The following HMGCS1 variants were observed in gnomAD, a reference collection of about 807,000 sequenced individuals.
HMGCS1 encodes 3-hydroxy-3-methylglutaryl-CoA synthase 1.
In HMGCS1, 9 loss-of-function variants were observed where a neutral mutation model predicts 52.3. The observed-to-expected ratio is 0.17, with a 90% CI of 0.10 to 0.30. HMGCS1 has a LOEUF of 0.30. Ranked by LOEUF, HMGCS1 falls within the 10% of genes least tolerant of loss-of-function variation. The pLI is 1.00. For missense variants in HMGCS1, 320 were observed against 620.9 expected, an observed-to-expected ratio of 0.52 and a Z score of 5.15; for synonymous variants, 176 against 214.4, an observed-to-expected ratio of 0.82 and a Z score of 1.57.
chr5:43,296,957 T>G (rs1169981100), intron 5 of HMGCS1, 45 bp downstream of exon 5: 2 of 1,530,040 alleles, frequency 1.3e-6, no homozygotes, highest in Non-Finnish European at 1.8e-6. Context: ...TACATTAGAC[T>G]GCTCTCAACT....
intron 2 of HMGCS1, among the ~76,000 whole-genome samples, chr5:43,306,156 A>C (rs1754565061): frequency 6.6e-6 from 1 of 152,248 alleles, no homozygotes; most frequent in Admixed American, 6.5e-5. Context: ...GGTGGACAAA[A>C]GAAACTCCAT....
In HMGCS1 at chr5:43,291,021, A is replaced by G. The variant is rs1407476653; in HGVS notation, c.*110T>C. ...CCATGTCAGTCACATAAAAATTTAC[A>G]TAACATGTAATCCTTTAAAATTATC... is the stretch of plus-strand genomic sequence containing the variant. On this transcript the variant is annotated 3_prime_UTR_variant, in exon 11 of 11. Transcript: ENST00000325110. 2 of 680,460 alleles carry G rather than the reference A, an allele frequency of 2.9e-6. No homozygotes were observed. The highest frequency in any genetic ancestry group is 1.7e-5 in the South Asian group (1 of 57,654). 42.2% of individuals were successfully genotyped at this position (680,460 alleles called of 1,614,324 possible).
chr5:43,298,180 T>C lies in HMGCS1; in HGVS notation c.449-46A>G. ...TTTCACAAGAAGGAATTCAACACTATAACCAAACATGGAAACTGAAGTCTG... is the reference window on the plus strand; with the variant it reads ...TTTCACAAGAAGGAATTCAACACTACAACCAAACATGGAAACTGAAGTCTG... On this transcript the variant is annotated intron_variant, in intron 3 of 10. Transcript: ENST00000325110. The surrounding 1 kb of genome is among the most constrained non-coding windows in gnomAD (Gnocchi z 5.6). The C allele has an allele frequency of 6.6e-7, 1 of 1,523,724 alleles. No individual in the cohort carries two copies. The allele number at this position is 1,523,724 out of a possible 1,614,324, so 94.4% of individuals were successfully genotyped here.
Position 43,294,711 on chromosome 5 carries a change from G to A in HMGCS1, c.1056C>T (p.Ser352=). The A allele has an allele frequency of 6.2e-7, 1 of 1,608,616 alleles. No homozygotes were observed. Among genetic ancestry groups the A allele is most frequent in the Non-Finnish European group, 8.5e-7 (1 of 1,177,002 alleles). ...CTTACTGTGCTAGAACAGATGCAAG[G>A]GAACCATATACTGAAGATGTGTACA... The part of the protein sequence containing the change: ...GNMYTSSVYG[S]LASVLAQYSP... Residue 352 remains serine (S), a synonymous_variant, in exon 7 of 11, where the codon TCC becomes TCT. Transcript: ENST00000325110.
At chr5:43,308,867 TTAAC>T (rs1367696620) in intron 1 of HMGCS1, among the ~76,000 whole-genome samples, 7 of 152,310 alleles carry the variant, frequency 4.6e-5, no homozygotes, top group African/African-American at 1.7e-4. Flanking sequence ...TTTTACTTCA[TTAAC>T]TAAGTTTACT....
intron 4 of HMGCS1, among the ~76,000 whole-genome samples, chr5:43,297,392 A>C (rs981533463): frequency 6.6e-6 from 1 of 152,238 alleles, no homozygotes; most frequent in East Asian, 1.9e-4. Flanking sequence ...TGTCAGTTTC[A>C]TAACTCTAAC....
At position 43,290,511 on chromosome 5, in the gene HMGCS1, T is replaced by A. The variant is rs1306877356; in HGVS notation, c.*620A>T. ...GTCACTGCTGGCCTGGACTTAACAT[T>A]CCAGATTCCAGAGCCAGTGTTTTAT... On this transcript the variant is annotated 3_prime_UTR_variant, in exon 11 of 11. Transcript: ENST00000325110. 6.6e-6 allele frequency: 1 copy of A among 152,242 alleles called. No homozygotes were observed. Among genetic ancestry groups the A allele is most frequent in the Non-Finnish European group, 1.5e-5 (1 of 68,054 alleles). 9.4% of individuals were successfully genotyped at this position (152,242 alleles called of 1,614,324 possible). A position where few individuals can be genotyped will look rare whatever the true frequency, so the allele number is the denominator to read the frequency against.
rs1290296015 is a variant in HMGCS1 at position 43,291,008 on chromosome 5, C to T, written c.*123G>A. ...AGTCATCCAGGCTCCATGTCAGTCA[C>T]ATAAAAATTTACATAACATGTAATC... On this transcript the variant is annotated 3_prime_UTR_variant, in exon 11 of 11. Transcript: ENST00000325110. The T allele has an allele frequency of 6.2e-6, 4 of 642,856 alleles. No homozygotes were observed. The highest frequency in any genetic ancestry group is 5.0e-5 in the Admixed American group (2 of 39,610). 39.8% of individuals were successfully genotyped at this position (642,856 alleles called of 1,614,324 possible).
At chr5:43,310,666 G>A (rs746926880) in intron 1 of HMGCS1, among the ~76,000 whole-genome samples, 39 of 152,008 alleles carry the variant, frequency 2.6e-4, no homozygotes, top group Non-Finnish European at 5.0e-4. Context: ...GCTCCTTGCA[G>A]AGCAGGGCTA....
At chr5:43,292,102 C>T (rs1159008658) in intron 10 of HMGCS1, among the ~76,000 whole-genome samples, 1 of 146,550 alleles carries the variant, frequency 6.8e-6, no homozygotes, top group Non-Finnish European at 1.5e-5. Flanking sequence ...AAGCCATTCT[C>T]CTGACTCAGC....
intron 1 of HMGCS1, among the ~76,000 whole-genome samples, chr5:43,308,993 T>C (rs1465100113): frequency 1.3e-5 from 2 of 152,296 alleles, no homozygotes; most frequent in East Asian, 3.9e-4. Context: ...ATACATACTT[T>C]GAGAAAATAA....
chr5:43,303,191 T>C (rs1579657744), intron 2 of HMGCS1, among the ~76,000 whole-genome samples: 1 of 152,204 alleles, frequency 6.6e-6, no homozygotes, highest in Non-Finnish European at 1.5e-5. Flanking sequence ...TTCCCAAATA[T>C]CTGCCTGAAT....
intron 4 of HMGCS1, 133 bp from the exon 5 acceptor site, chr5:43,297,299 G>A (rs554289902): frequency 7.2e-5 from 49 of 681,726 alleles, no homozygotes; most frequent in Non-Finnish European, 1.0e-4. Flanking sequence ...TAGAGAAATC[G>A]CAAGCTGAAG....
rs746571490 is a variant in HMGCS1 at position 43,290,672 on chromosome 5, T to C, written c.*459A>G. 3.6e-4 allele frequency: 56 copies of C among 153,432 alleles called. No homozygotes were observed. The highest frequency in any genetic ancestry group is 6.0e-4 in the Non-Finnish European group (41 of 68,770). 9.5% of individuals were successfully genotyped at this position (153,432 alleles called of 1,614,324 possible). On this transcript the variant is annotated 3_prime_UTR_variant, in exon 11 of 11. Transcript: ENST00000325110. ...CCAATTTTACCACACTGGGGAATGT[T>C]GTCACATTCCCCAAGCTAGAAATGT...
chr5:43,305,793 A>G (rs1452177952), intron 2 of HMGCS1, among the ~76,000 whole-genome samples: 1 of 151,718 alleles, frequency 6.6e-6, no homozygotes, highest in East Asian at 1.9e-4. Flanking sequence ...AAAAAAAAAA[A>G]AAAAAAATTT....
chr5:43,310,310 T>C (rs1327131414), intron 1 of HMGCS1, among the ~76,000 whole-genome samples: 4 of 152,156 alleles, frequency 2.6e-5, no homozygotes, highest in Non-Finnish European at 4.4e-5. Flanking sequence ...CCTCGATAAA[T>C]CACACAGAAA....
intron 1 of HMGCS1, among the ~76,000 whole-genome samples, chr5:43,311,243 C>G (rs1561129289): frequency 6.7e-6 from 1 of 149,734 alleles, no homozygotes; most frequent in South Asian, 2.1e-4. Context: ...AGGAGAATCA[C>G]TGGGAGGCAT....
intron 2 of HMGCS1, among the ~76,000 whole-genome samples, chr5:43,299,703 T>G (rs1300423774): frequency 6.6e-6 from 1 of 150,592 alleles, no homozygotes; most frequent in African/African-American, 2.5e-5. Flanking sequence ...CAATCAATCA[T>G]GTATTCATCA....
intron 2 of HMGCS1, among the ~76,000 whole-genome samples, chr5:43,302,487 T>C (rs1754368793): frequency 1.3e-5 from 2 of 152,228 alleles, no homozygotes; most frequent in Non-Finnish European, 2.9e-5. Context: ...TCCTTCTACA[T>C]CATCATACTT....
Sources: allele counts gnomAD v4.1 joint callset (sites outside exome capture counted in the v4.1 genomes callset), GRCh38; gene constraint gnomAD v4.1.1; non-coding constraint Gnocchi (gnomAD v3.1); transcripts MANE v1.5; gene names NCBI Gene and HGNC (gene_info 2026-07-23, HGNC 2026-07-21).